The following GNG4 variants were observed in gnomAD, a reference collection of about 807,000 sequenced individuals.
GNG4 encodes the protein guanine nucleotide-binding protein G(I)/G(S)/G(O) subunit gamma-4.
A neutral mutation model predicts 5.8 loss-of-function variants in GNG4; 4 were observed. The observed-to-expected ratio is 0.69, with a 90% CI of 0.34 to 1.57. The LOEUF (loss-of-function observed/expected upper bound fraction) is 1.57, where lower values mean the gene tolerates loss of function less well. GNG4 is among the 40% of genes most tolerant of loss of function. The pLI is 0.06. For missense variants in GNG4, 96 were observed against 95.1 expected, an observed-to-expected ratio of 1.01 and a Z score of -0.04; for synonymous variants, 29 against 32.9, an observed-to-expected ratio of 0.88 and a Z score of 0.41.
intron 1 of GNG4, among the ~76,000 whole-genome samples, chr1:235,620,749 A>G (rs1688693466): frequency 6.6e-6 from 1 of 152,056 alleles, no homozygotes; most frequent in African/African-American, 2.4e-5. Flanking sequence ...GTTAGCCAGG[A>G]AGGTCTAGAT....
chr1:235,592,103 CTG>C (rs1687978226), intron 2 of GNG4, among the ~76,000 whole-genome samples: 1 of 152,196 alleles, frequency 6.6e-6, no homozygotes, highest in African/African-American at 2.4e-5. Context: ...ACATATGTCT[CTG>C]AGTTGTTTTT....
rs529549540 is a variant in GNG4, at chr1:235,641,289, C to T, written c.-123+8373G>A. Among the ~76,000 whole-genome samples, 296 of 152,226 alleles carry T rather than the reference C, an allele frequency of 1.9e-3. 2 individuals are homozygous for T. The highest frequency in any genetic ancestry group is 6.9e-3 in the African/African-American group (287 of 41,508). ...ACTGTAGCCCCAGCTACTTAGGAGA[C>T]TGAAGTGGAAGGCTCACTTGAACTG... On this transcript the variant is annotated intron_variant, in intron 1 of 3. Transcript: ENST00000391854.
chr1:235,583,408 A>G (rs1436350954), intron 3 of GNG4, among the ~76,000 whole-genome samples: 7 of 152,250 alleles, frequency 4.6e-5, no homozygotes, highest in African/African-American at 1.4e-4. Context: ...AAGGCACTGT[A>G]TCACAGCAGA....
chr1:235,616,885 C>T (rs1426384703), intron 1 of GNG4, among the ~76,000 whole-genome samples: 1 of 150,046 alleles, frequency 6.7e-6, no homozygotes, highest in Non-Finnish European at 1.5e-5. Context: ...ATTACAGGCA[C>T]CCACAAACAC....
chr1:235,608,686 T>C lies in GNG4; in HGVS notation c.-122-13175A>G, dbSNP rs1013504705. ...CTTTTTTACTTAGTTTTTTATTTTT[T>C]ATTTTTTTTTTTTTTGAGACGGAGT... On this transcript the variant is annotated intron_variant, in intron 1 of 3. Transcript: ENST00000391854. Among the ~76,000 whole-genome samples the C allele has an allele frequency of 1.7e-4, 20 of 120,258 alleles. No homozygotes were observed. The Admixed American group carries it at 1.7e-3, about 10-fold the overall frequency. 78.9% of individuals were successfully genotyped at this position (120,258 alleles called of 152,430 possible). A position where few individuals can be genotyped will look rare whatever the true frequency, so the allele number is the denominator to read the frequency against.
At chr1:235,637,516 G>A (rs779616713) in intron 1 of GNG4, among the ~76,000 whole-genome samples, 6 of 152,094 alleles carry the variant, frequency 3.9e-5, no homozygotes, top group East Asian at 1.9e-4. Context: ...AGCTGGGCGC[G>A]GTGGCGCGTG....
chr1:235,647,001 A>G (rs1657526175), intron 1 of GNG4, among the ~76,000 whole-genome samples: 2 of 152,230 alleles, frequency 1.3e-5, no homozygotes, highest in Admixed American at 6.5e-5. Flanking sequence ...GTTTTTAACC[A>G]GCTTCTTTCA....
At chr1:235,596,304 G>A (rs1221491873) in intron 1 of GNG4, among the ~76,000 whole-genome samples, 1 of 151,968 alleles carries the variant, frequency 6.6e-6, no homozygotes, top group Non-Finnish European at 1.5e-5. Flanking sequence ...TTGGGAGGCC[G>A]AGGTGGGCAG....
chr1:235,552,317 A>G, intron 3 of GNG4, 80 bp from the exon 4 acceptor site: 1 of 1,313,124 alleles, frequency 7.6e-7, no homozygotes, highest in Non-Finnish European at 1.1e-6. Flanking sequence ...CCACGTACAG[A>G]GGGGACAAGC....
intron 1 of GNG4, among the ~76,000 whole-genome samples, chr1:235,600,370 C>T (rs1390109988): frequency 6.6e-6 from 1 of 151,636 alleles, no homozygotes. Context: ...CCACCTTGGC[C>T]TCCCAAAGCG....
At chr1:235,553,899 T>C (rs910370604) in intron 3 of GNG4, among the ~76,000 whole-genome samples, 1 of 152,212 alleles carries the variant, frequency 6.6e-6, no homozygotes, top group Non-Finnish European at 1.5e-5. Flanking sequence ...CCCAATTTAC[T>C]CTAAGACGTC....
At position 235,597,588 on chromosome 1, in the gene GNG4, C is replaced by CTGTGTG. The variant is rs386417904; in HGVS notation, c.-122-2083_-122-2078dup. ...TTTGTTTTTTTTTTTAACTTGTTTG[C>CTGTGTG]TGTGTGTGTGTGTGTGTGTGTGTGT... is the stretch of plus-strand genomic sequence containing the variant. On this transcript the variant is annotated intron_variant, in intron 1 of 3. Coordinates refer to ENST00000391854, the MANE Select transcript of GNG4 (RefSeq NM_001098722.2). Among the ~76,000 whole-genome samples, 439 of 74,218 alleles carry CTGTGTG rather than the reference C, an allele frequency of 5.9e-3. 4 individuals are homozygous for CTGTGTG. The highest frequency in any genetic ancestry group is 0.017 in the African/African-American group (325 of 19,070). The allele number at this position is 74,218 out of a possible 152,430, so 48.7% of individuals were successfully genotyped here. A position where few individuals can be genotyped will look rare whatever the true frequency, so the allele number is the denominator to read the frequency against.
At chr1:235,608,858 G>A (rs933026827) in intron 1 of GNG4, among the ~76,000 whole-genome samples, 4 of 151,656 alleles carry the variant, frequency 2.6e-5, no homozygotes, top group African/African-American at 9.7e-5. Flanking sequence ...TAATTTTTGT[G>A]TTTTTAGTAG....
intron 1 of GNG4, among the ~76,000 whole-genome samples, chr1:235,597,416 A>G (rs1688147552): frequency 8.1e-6 from 1 of 123,502 alleles, no homozygotes; most frequent in Non-Finnish European, 1.6e-5. Flanking sequence ...CCAAATTCCT[A>G]TATTGAAATC....
At chr1:235,629,744 AC>A (rs1238215890) in intron 1 of GNG4, among the ~76,000 whole-genome samples, 4 of 151,844 alleles carry the variant, frequency 2.6e-5, no homozygotes, top group Non-Finnish European at 5.9e-5. Context: ...CTAGCATGCC[AC>A]CATGCCCAGC....
chr1:235,635,477 C>T (rs1429962684), intron 1 of GNG4, among the ~76,000 whole-genome samples: 1 of 145,600 alleles, frequency 6.9e-6, no homozygotes, highest in Admixed American at 6.9e-5. Context: ...GCCTGGGCAA[C>T]AAGAGCAAAA....
chr1:235,582,225 T>C (rs1687655012), intron 3 of GNG4, among the ~76,000 whole-genome samples: 1 of 152,246 alleles, frequency 6.6e-6, no homozygotes, highest in African/African-American at 2.4e-5. Context: ...ACTCCGTCTA[T>C]TGCTTACAGG....
upstream of GNG4, among the ~76,000 whole-genome samples, chr1:235,650,165 A>G (rs2102994016): frequency 7.1e-6 from 1 of 141,496 alleles, no homozygotes; most frequent in African/African-American, 2.6e-5. Flanking sequence ...CCCCTGTCCC[A>G]GCAAAGGGCC....
intron 1 of GNG4, among the ~76,000 whole-genome samples, chr1:235,630,903 C>CTTTT (rs1257976818): frequency 6.9e-6 from 1 of 145,498 alleles, no homozygotes; most frequent in Non-Finnish European, 1.5e-5. Flanking sequence ...AGAGACTCTC[C>CTTTT]TTTTTTTTTT....
Sources: allele counts gnomAD v4.1 joint callset (sites outside exome capture counted in the v4.1 genomes callset), GRCh38; gene constraint gnomAD v4.1.1; transcripts MANE v1.5; gene names NCBI Gene and HGNC (gene_info 2026-07-23, HGNC 2026-07-21).